The following MAP7 variants were observed in gnomAD, a reference collection of about 807,000 sequenced individuals.
The protein encoded by MAP7 is ensconsin.
A neutral mutation model predicts 94.8 loss-of-function variants in MAP7; 52 were observed. The ratio of observed to expected loss-of-function variants is 0.55; its 90% CI spans 0.44 to 0.69. MAP7 has a LOEUF of 0.69. MAP7 is among the 30% of genes least tolerant of loss of function. The pLI is 0.00. For missense variants in MAP7, 940 were observed against 964.6 expected, an observed-to-expected ratio of 0.97 and a Z score of 0.34; for synonymous variants, 350 against 357.0, an observed-to-expected ratio of 0.98 and a Z score of 0.22.
intron 5 of MAP7, among the ~76,000 whole-genome samples, chr6:136,385,039 G>GT (rs1778820462): frequency 6.6e-6 from 1 of 152,108 alleles, no homozygotes; most frequent in Non-Finnish European, 1.5e-5. Context: ...TTATTTTTCT[G>GT]TTGTTACCTG....
chr6:136,394,471 A>G (rs1039928822), intron 3 of MAP7, among the ~76,000 whole-genome samples: 1 of 151,972 alleles, frequency 6.6e-6, no homozygotes, highest in African/African-American at 2.4e-5. Context: ...TGTGCTATTT[A>G]TAGGGTACAT....
At chr6:136,384,225 A>G (rs886546309) in intron 5 of MAP7, among the ~76,000 whole-genome samples, 3 of 152,242 alleles carry the variant, frequency 2.0e-5, no homozygotes, top group Admixed American at 1.3e-4. Context: ...AATTGCTGAT[A>G]ACTTTGCTTA....
At chr6:136,436,830 TTC>T (rs1796499073) in intron 1 of MAP7, among the ~76,000 whole-genome samples, 1 of 152,236 alleles carries the variant, frequency 6.6e-6, no homozygotes, top group Non-Finnish European at 1.5e-5. Flanking sequence ...AAAATTTACC[TTC>T]TCTTTCTATA....
chr6:136,483,596 T>G (rs958815632), intron 1 of MAP7, among the ~76,000 whole-genome samples: 1 of 152,098 alleles, frequency 6.6e-6, no homozygotes, highest in Non-Finnish European at 1.5e-5. Context: ...AAAAAATGAA[T>G]GCGACATTTG....
chr6:136,386,154 G>C (rs1459078965), intron 5 of MAP7, among the ~76,000 whole-genome samples: 1 of 152,128 alleles, frequency 6.6e-6, no homozygotes, highest in Non-Finnish European at 1.5e-5. Context: ...CAGTTTCTAT[G>C]ATGTGTTTGT....
intron 6 of MAP7, among the ~76,000 whole-genome samples, chr6:136,380,839 G>C (rs556240798): frequency 6.6e-6 from 1 of 152,170 alleles, no homozygotes. Flanking sequence ...GCTTCCCTTG[G>C]CTTTGGAGGG....
chr6:136,378,470 T>C (rs1292964682), intron 6 of MAP7, among the ~76,000 whole-genome samples: 1 of 152,246 alleles, frequency 6.6e-6, no homozygotes, highest in Non-Finnish European at 1.5e-5. Context: ...GGGAATCCTT[T>C]TGACCTTTTC....
chr6:136,460,971 C>T (rs1805003288), intron 1 of MAP7, among the ~76,000 whole-genome samples: 1 of 152,254 alleles, frequency 6.6e-6, no homozygotes, highest in African/African-American at 2.4e-5. Flanking sequence ...AACTCAGTTG[C>T]TATTGGGTAT....
chr6:136,473,350 A>G (rs1265788361), intron 1 of MAP7, among the ~76,000 whole-genome samples: 1 of 152,234 alleles, frequency 6.6e-6, no homozygotes, highest in African/African-American at 2.4e-5. Context: ...CCTACCCTCC[A>G]GTATGAGTCA....
chr6:136,454,321 A>ATCTT (rs1362615245), intron 1 of MAP7, among the ~76,000 whole-genome samples: 1 of 150,588 alleles, frequency 6.6e-6, no homozygotes, highest in Non-Finnish European at 1.5e-5. Flanking sequence ...CTATCTATCT[A>ATCTT]TCTGAGACAG....
At chr6:136,514,611 A>G (rs528730588) in intron 1 of MAP7, among the ~76,000 whole-genome samples, 57 of 151,674 alleles carry the variant, frequency 3.8e-4, no homozygotes, top group African/African-American at 1.3e-3. Context: ...AAAAAAAGAA[A>G]ACAACATTAA....
intron 1 of MAP7, among the ~76,000 whole-genome samples, chr6:136,546,312 C>CT (rs1354610962): frequency 0.046 from 6,707 of 145,064 alleles, 524 homozygotes; most frequent in African/African-American, 0.16. Context: ...TGCCTCTGGC[C>CT]TTTTTTTTTT....
Position 136,361,032 on chromosome 6 carries a change from C to CCGCT in MAP7, c.1670_1673dup (p.Glu559AlafsTer19). ...GCCTCTGGGCGCGCTCTGCCTCCTCCCGCTCGCGCAGCGCCCGCTCCTCCG... is the reference window on the plus strand; with the variant it reads ...GCCTCTGGGCGCGCTCTGCCTCCTCCCGCTCGCTCGCGCAGCGCCCGCTCCTCCG... On this transcript the variant is annotated frameshift_variant, in exon 12 of 18. Coordinates refer to ENST00000354570, the MANE Select transcript of MAP7 (RefSeq NM_003980.6). LOFTEE classifies it high-confidence loss of function. 1 of 1,578,362 alleles carries CCGCT rather than the reference C, an allele frequency of 6.3e-7. No homozygotes were observed. Among genetic ancestry groups the CCGCT allele is most frequent in the Non-Finnish European group, 8.6e-7 (1 of 1,168,390 alleles).
chr6:136,444,444 A>G (rs911970404), intron 1 of MAP7, among the ~76,000 whole-genome samples: 1 of 152,200 alleles, frequency 6.6e-6, no homozygotes, highest in Non-Finnish European at 1.5e-5. Flanking sequence ...TTATCTTTCA[A>G]TCTATGGATA....
chr6:136,369,101 G>A lies in MAP7; in HGVS notation c.877-2662C>T, dbSNP rs528718309. On this transcript the variant is annotated intron_variant, in intron 8 of 17. Transcript: ENST00000354570. ...ACTTGCATTAACACTTACTGCTTTA[G>A]CAGCCTTAATCCATATAACTGGAAA... Among the ~76,000 whole-genome samples the A allele has an allele frequency of 1.9e-3, 283 of 152,324 alleles. 2 individuals are homozygous for A. Among genetic ancestry groups the A allele is most frequent in the African/African-American group, 6.4e-3 (265 of 41,558 alleles).
chr6:136,388,296 G>A (rs918587200), intron 5 of MAP7, 97 bp downstream of exon 5: 1 of 841,372 alleles, frequency 1.2e-6, no homozygotes, highest in Admixed American at 2.2e-5. Flanking sequence ...ATTTCAGCAG[G>A]ATTTTTGTTT....
chr6:136,344,289 A>G (rs1487121960), intron 17 of MAP7, 51 bp from the exon 18 acceptor site: 4 of 963,424 alleles, frequency 4.2e-6, no homozygotes, highest in African/African-American at 1.7e-5. Flanking sequence ...TTTATCTAAA[A>G]TCTTATTTCA....
intron 1 of MAP7, among the ~76,000 whole-genome samples, chr6:136,511,243 G>A (rs1823189620): frequency 6.6e-6 from 1 of 151,894 alleles, no homozygotes; most frequent in East Asian, 1.9e-4. Flanking sequence ...ATGGGTAAGG[G>A]GAAGTTATAG....
At chr6:136,497,447 C>A (rs58880113) in intron 1 of MAP7, among the ~76,000 whole-genome samples, 4,994 of 151,708 alleles carry the variant, frequency 0.033, 316 homozygotes, top group African/African-American at 0.11. Context: ...TTCCCCTGCC[C>A]CATTTTGTCT....
Sources: gnomAD v4.1 joint callset for allele counts (sites outside exome capture counted in the v4.1 genomes callset) on GRCh38, gnomAD v4.1.1 for gene constraint, MANE v1.5 for transcripts, NCBI Gene and HGNC (gene_info 2026-07-23, HGNC 2026-07-21) for gene names.